The following FNBP1L variants were observed in gnomAD, a reference collection of about 807,000 sequenced individuals.
The protein encoded by FNBP1L is formin binding protein 1 like.
A neutral mutation model predicts 91.2 loss-of-function variants in FNBP1L; 36 were observed. The observed-to-expected ratio is 0.39, with a 90% CI of 0.30 to 0.52. FNBP1L has a LOEUF of 0.52. Ranked by LOEUF, FNBP1L falls within the 20% of genes least tolerant of loss-of-function variation. The pLI is 0.66. For synonymous variants in FNBP1L, 242 were observed against 237.0 expected (o/e 1.02, Z -0.19); for missense variants, 571 against 732.1 (o/e 0.78, Z 2.54).
chr1:93,513,025 G>T (rs553132440), intron 2 of FNBP1L, among the ~76,000 whole-genome samples: 1 of 152,036 alleles, frequency 6.6e-6, no homozygotes, highest in East Asian at 1.9e-4. Context: ...CAAACCACTA[G>T]CAAGACTAAT....
chr1:93,511,343 T>C (rs892250012), intron 2 of FNBP1L, among the ~76,000 whole-genome samples: 1 of 152,122 alleles, frequency 6.6e-6, no homozygotes, highest in Non-Finnish European at 1.5e-5. Context: ...GAATTTCATA[T>C]CCAGCCAAAC....
At chr1:93,449,157 A>C (rs902450894) in intron 1 of FNBP1L, among the ~76,000 whole-genome samples, 1 of 152,082 alleles carries the variant, frequency 6.6e-6, no homozygotes, top group African/African-American at 2.4e-5. Flanking sequence ...TCTTTGGCAC[A>C]GGAGGCTCCA....
chr1:93,478,897 A>G (rs984103553), intron 1 of FNBP1L, among the ~76,000 whole-genome samples: 8 of 152,260 alleles, frequency 5.3e-5, no homozygotes, highest in East Asian at 1.9e-4. Flanking sequence ...TTTAATTCAC[A>G]CAGTCACATT....
intron 2 of FNBP1L, among the ~76,000 whole-genome samples, chr1:93,507,226 T>A (rs1347469776): frequency 6.7e-6 from 1 of 148,488 alleles, no homozygotes; most frequent in Non-Finnish European, 1.5e-5. Flanking sequence ...ATAATTTCTG[T>A]AATATGTACT....
intron 1 of FNBP1L, among the ~76,000 whole-genome samples, chr1:93,474,379 TGAAA>T (rs1669419258): frequency 6.6e-6 from 1 of 152,100 alleles, no homozygotes; most frequent in East Asian, 1.9e-4. Flanking sequence ...GAAGTGTTGA[TGAAA>T]GAAAGAGAGT....
chr1:93,531,852 T>C (rs190100568), intron 7 of FNBP1L, among the ~76,000 whole-genome samples: 1 of 152,170 alleles, frequency 6.6e-6, no homozygotes, highest in East Asian at 1.9e-4. Context: ...CTGTGGGAGT[T>C]TGGGGAGACA....
At chr1:93,547,913 T>TC (rs1416810732) in intron 14 of FNBP1L, among the ~76,000 whole-genome samples, 2 of 152,200 alleles carry the variant, frequency 1.3e-5, no homozygotes, top group African/African-American at 4.8e-5. Flanking sequence ...TATCTTTTTT[T>TC]CCAGACTAAA....
intron 5 of FNBP1L, among the ~76,000 whole-genome samples, chr1:93,525,263 C>A (rs904317525): frequency 6.6e-6 from 1 of 152,032 alleles, no homozygotes; most frequent in African/African-American, 2.4e-5. Flanking sequence ...AGAAAAAGTA[C>A]TTTGAGATTA....
intron 1 of FNBP1L, among the ~76,000 whole-genome samples, chr1:93,482,691 A>C (rs1253811227): frequency 6.6e-6 from 1 of 151,836 alleles, no homozygotes; most frequent in Admixed American, 6.6e-5. Flanking sequence ...CCAGGAGTTC[A>C]AGACTAGCCT....
chr1:93,511,361 C>CAT (rs1391124066), intron 2 of FNBP1L, among the ~76,000 whole-genome samples: 1 of 152,086 alleles, frequency 6.6e-6, no homozygotes, highest in Non-Finnish European at 1.5e-5. Context: ...AACTAAGCTT[C>CAT]ATAAGTGAAG....
intron 14 of FNBP1L, 149 bp from the exon 15 acceptor site, chr1:93,549,129 C>T (rs948020609): frequency 3.8e-6 from 2 of 529,954 alleles, no homozygotes; most frequent in Admixed American, 3.8e-5. Context: ...AATTTGTATA[C>T]TTGACATTTG....
chr1:93,545,979 T>C (rs1672212827), intron 12 of FNBP1L, among the ~76,000 whole-genome samples: 1 of 152,050 alleles, frequency 6.6e-6, no homozygotes, highest in African/African-American at 2.4e-5. Context: ...AAGTGTCCAG[T>C]TGGGTTTAAA....
chr1:93,498,978 A>G (rs1178754706), intron 1 of FNBP1L, among the ~76,000 whole-genome samples: 2 of 152,158 alleles, frequency 1.3e-5, no homozygotes, highest in Non-Finnish European at 2.9e-5. Flanking sequence ...ATAATTCTTC[A>G]CTGAGTACCT....
chr1:93,465,196 G>T (rs937675421), intron 1 of FNBP1L, among the ~76,000 whole-genome samples: 13 of 129,274 alleles, frequency 1.0e-4, no homozygotes, highest in African/African-American at 3.2e-4. Context: ...TCTTTTTTGG[G>T]GGGGGGGGTT....
chr1:93,478,310 G>T, intron 1 of FNBP1L, among the ~76,000 whole-genome samples: 1 of 151,060 alleles, frequency 6.6e-6, no homozygotes, highest in Non-Finnish European at 1.5e-5. Flanking sequence ...CCTAAGCAGA[G>T]AGAGAGAGAG....
chr1:93,463,809 C>T (rs1668980241), intron 1 of FNBP1L, among the ~76,000 whole-genome samples: 1 of 152,162 alleles, frequency 6.6e-6, no homozygotes. Flanking sequence ...TTTTCTCATG[C>T]CCTTCAGTGA....
At chr1:93,455,207 C>T (rs1225528552) in intron 1 of FNBP1L, among the ~76,000 whole-genome samples, 8 of 152,300 alleles carry the variant, frequency 5.3e-5, no homozygotes, top group African/African-American at 1.7e-4. Context: ...GGATTAGCGG[C>T]GTGAGCCACC....
rs182334222 is a variant in FNBP1L, at chr1:93,490,275, C to T, written c.25-9193C>T. Among the ~76,000 whole-genome samples the T allele has an allele frequency of 6.6e-5, 10 of 152,226 alleles. No individual in the cohort carries two copies. In the East Asian group the frequency reaches 1.9e-3, roughly 29 times the overall value. The stretch of plus-strand genomic sequence containing the variant: ...ACTATACGGTAGAACCTTGTAGCAA[C>T]ATATAATTCGAGTTATACTACATAA... On this transcript the variant is annotated intron_variant, in intron 1 of 16. Coordinates refer to ENST00000271234, the MANE Select transcript of FNBP1L (RefSeq NM_001164473.3).
rs1305487709 is a variant in FNBP1L, at chr1:93,536,353, C to T, written c.1012C>T (p.Pro338Ser). 4.5e-6 allele frequency: 7 copies of T among 1,543,712 alleles called. No homozygotes were observed. The highest frequency in any genetic ancestry group is 2.5e-5 in the East Asian group (1 of 40,612). ...TTAGCCACAGTCCCCACCCTTAACCCCTACTAGTTTATTCACATCCAGTAC... is the reference window on the plus strand; with the variant it reads ...TTAGCCACAGTCCCCACCCTTAACCTCTACTAGTTTATTCACATCCAGTAC... ...KPKPQSPPLT[P>S]TSLFTSSTPN... The change falls in exon 10 of 17, where the codon CCT becomes TCT. Residue 338 changes from proline to serine, a missense_variant. Pro to Ser is a moderately conservative substitution (Grantham distance 74). Coordinates refer to ENST00000271234, the MANE Select transcript of FNBP1L (RefSeq NM_001164473.3).
Sources: allele counts gnomAD v4.1 joint callset (sites outside exome capture counted in the v4.1 genomes callset), GRCh38; gene constraint gnomAD v4.1.1; transcripts MANE v1.5; gene names NCBI Gene and HGNC (gene_info 2026-07-23, HGNC 2026-07-21).